PHTF2: variants seen among roughly 807,000 people sequenced by gnomAD.
The protein encoded by PHTF2 is putative homeodomain transcription factor 2.
A neutral mutation model predicts 101.2 loss-of-function variants in PHTF2; 60 were observed. The ratio of observed to expected loss-of-function variants is 0.59; its 90% CI spans 0.48 to 0.73. PHTF2 has a LOEUF of 0.73. Among genes scored for constraint, PHTF2 ranks in the 30% least tolerant of loss-of-function variants. The pLI is 0.00. For synonymous variants in PHTF2, 311 were observed against 307.3 expected, an observed-to-expected ratio of 1.01 and a Z score of -0.13; for missense variants, 747 against 908.7, an observed-to-expected ratio of 0.82 and a Z score of 2.29.
chr7:77,931,028 G>A (rs1469556772), intron 12 of PHTF2, among the ~76,000 whole-genome samples: 2 of 152,098 alleles, frequency 1.3e-5, no homozygotes, highest in Non-Finnish European at 2.9e-5. Flanking sequence ...GTTTATAATG[G>A]ATCACTAATA....
chr7:77,802,937 G>A (rs535135499), intron 1 of PHTF2, among the ~76,000 whole-genome samples: 17 of 152,240 alleles, frequency 1.1e-4, no homozygotes, highest in African/African-American at 4.1e-4. Context: ...TTACAAATCT[G>A]AAACATCACT....
chr7:77,872,213 T>C (rs1427263445), intron 3 of PHTF2, among the ~76,000 whole-genome samples: 1 of 152,060 alleles, frequency 6.6e-6, no homozygotes, highest in East Asian at 1.9e-4. Flanking sequence ...CATGGGCCCA[T>C]TGGACGATGA....
At chr7:77,919,993 T>C (rs989362358) in intron 9 of PHTF2, among the ~76,000 whole-genome samples, 5 of 152,198 alleles carry the variant, frequency 3.3e-5, no homozygotes, top group African/African-American at 1.2e-4. Flanking sequence ...TTTCTAGATT[T>C]TGTTCAAAGA....
At chr7:77,815,581 A>G (rs969466914) in intron 1 of PHTF2, among the ~76,000 whole-genome samples, 13 of 152,248 alleles carry the variant, frequency 8.5e-5, no homozygotes, top group Admixed American at 2.0e-4. Flanking sequence ...TCTGTTTCCC[A>G]GGGACAAACA....
chr7:77,941,928 T>C (rs1294042493), intron 15 of PHTF2, among the ~76,000 whole-genome samples: 1 of 152,260 alleles, frequency 6.6e-6, no homozygotes, highest in Non-Finnish European at 1.5e-5. Context: ...AGGTTTATAA[T>C]GCCCTTTATG....
At chr7:77,955,018 T>G in exon 20 of PHTF2, 1 of 402,232 alleles carries the variant, frequency 2.5e-6, no homozygotes, top group South Asian at 8.6e-5. Context: ...TCTTGTGCAA[T>G]TCTTATATTT....
chr7:77,806,542 T>G (rs769188320), intron 1 of PHTF2, among the ~76,000 whole-genome samples: 8 of 152,162 alleles, frequency 5.3e-5, no homozygotes, highest in Admixed American at 1.3e-4. Flanking sequence ...CTTTTTATGT[T>G]TATATTTAAG....
chr7:77,884,792 G>A (rs948455015), intron 3 of PHTF2, among the ~76,000 whole-genome samples: 30 of 152,194 alleles, frequency 2.0e-4, no homozygotes, highest in African/African-American at 5.8e-4. Flanking sequence ...CCAGTTACTC[G>A]GGAGGCTGAG....
chr7:77,830,793 A>G (rs907656250), intron 1 of PHTF2, among the ~76,000 whole-genome samples: 1 of 152,178 alleles, frequency 6.6e-6, no homozygotes, highest in Non-Finnish European at 1.5e-5. Context: ...GACAGGCTTT[A>G]AGTCAGAATC....
intron 7 of PHTF2, among the ~76,000 whole-genome samples, chr7:77,905,863 A>G (rs1430676122): frequency 6.6e-6 from 1 of 152,206 alleles, no homozygotes; most frequent in Admixed American, 6.5e-5. Context: ...GCCCAACAAC[A>G]TTCTGTCTTA....
At chr7:77,922,017 CTTTT>C (rs35763664) in intron 10 of PHTF2, among the ~76,000 whole-genome samples, 130 of 95,274 alleles carry the variant, frequency 1.4e-3, no homozygotes, top group African/African-American at 4.9e-3. Context: ...GTTTATATTC[CTTTT>C]TTTTTTTTTT....
At position 77,869,943 on chromosome 7, in the gene PHTF2, G is replaced by GT. The variant is rs560192539; in HGVS notation, c.147+15116dup. Among the ~76,000 whole-genome samples the GT allele has an allele frequency of 5.3e-3, 802 of 152,034 alleles. 8 individuals carry two copies. Among genetic ancestry groups the GT allele is most frequent in the African/African-American group, 0.018 (745 of 41,480 alleles). The stretch of plus-strand genomic sequence containing the variant: ...CCCATATATTTGAATTGGATTATTT[G>GT]TTTTTTTGCTGTTGAGTTGTTTGAG... On this transcript the variant is annotated intron_variant, in intron 3 of 19. Coordinates refer to ENST00000416283, the Ensembl canonical transcript of PHTF2.
At chr7:77,924,251 T>C (rs1803752402) in intron 11 of PHTF2, 1 of 460,234 alleles carries the variant, frequency 2.2e-6, no homozygotes, top group Non-Finnish European at 2.9e-6. Flanking sequence ...CTGTACTCTC[T>C]CCAATTGCTA....
intron 2 of PHTF2, among the ~76,000 whole-genome samples, chr7:77,854,356 A>G (rs1584494880): frequency 6.6e-6 from 1 of 151,978 alleles, no homozygotes; most frequent in Non-Finnish European, 1.5e-5. Flanking sequence ...TGATGCATGC[A>G]CCCCTTTGGC....
chr7:77,933,830 C>G (rs1045557496), intron 12 of PHTF2, among the ~76,000 whole-genome samples: 39 of 151,216 alleles, frequency 2.6e-4, no homozygotes, highest in African/African-American at 9.0e-4. Context: ...GCCAATTAGG[C>G]CTTTCTTAAA....
Position 77,903,482 on chromosome 7 carries a change from G to A in PHTF2, c.445+1562G>A, listed in dbSNP as rs372657251. Among the ~76,000 whole-genome samples the A allele has an allele frequency of 5.3e-5, 8 of 152,274 alleles. No individual in the cohort carries two copies. In the South Asian group the frequency reaches 6.2e-4, roughly 12 times the overall value. On this transcript the variant is annotated intron_variant, in intron 7 of 19. Coordinates refer to ENST00000416283, the Ensembl canonical transcript of PHTF2. ...ATATTGCTGCTTTCTAGTATTCCAC[G>A]ACAAACAAGTTTCCAATGTAACTAA...
intron 1 of PHTF2, among the ~76,000 whole-genome samples, chr7:77,800,469 T>C (rs1356376133): frequency 2.6e-5 from 4 of 152,224 alleles, no homozygotes; most frequent in Non-Finnish European, 4.4e-5. Context: ...TTTTGACCAC[T>C]TTCTGGTGGA....
intron 1 of PHTF2, among the ~76,000 whole-genome samples, chr7:77,824,656 G>A (rs1305870624): frequency 1.3e-5 from 2 of 152,054 alleles, no homozygotes; most frequent in East Asian, 1.9e-4. Flanking sequence ...TCCTGACTTC[G>A]TGATCTGCCC....
chr7:77,920,417 A>G (rs1378136971), exon 10 of PHTF2: 4 of 1,613,774 alleles, frequency 2.5e-6, no homozygotes, highest in African/African-American at 1.3e-5. Context: ...CTATTCGACC[A>G]GAAGAGACAG....
Sources: gnomAD v4.1 joint callset for allele counts (sites outside exome capture counted in the v4.1 genomes callset) on GRCh38, gnomAD v4.1.1 for gene constraint, MANE v1.5 for transcripts, NCBI Gene and HGNC (gene_info 2026-07-23, HGNC 2026-07-21) for gene names.